Variants in PAPSS2 observed in about 807,000 individuals in gnomAD.
The protein encoded by PAPSS2 is bifunctional 3'-phosphoadenosine 5'-phosphosulfate synthase 2.
In PAPSS2, 61 loss-of-function variants were observed where a neutral mutation model predicts 66.5. The ratio of observed to expected loss-of-function variants is 0.92; its 90% confidence interval spans 0.75 to 1.14. The LOEUF (loss-of-function observed/expected upper bound fraction) is 1.14, where lower values mean the gene tolerates loss of function less well. PAPSS2 is among the 50% of genes most tolerant of loss of function. PAPSS2 has a pLI of 0.00. For missense variants in PAPSS2, 708 were observed against 789.6 expected (o/e 0.90, Z 1.24); for synonymous variants, 289 against 287.5 (o/e 1.01, Z -0.05).
At chr10:87,664,835 A>G (rs563378161) in intron 1 of PAPSS2, among the ~76,000 whole-genome samples, 1 of 152,350 alleles carries the variant, frequency 6.6e-6, no homozygotes, top group Non-Finnish European at 1.5e-5. Context: ...CACTAGTTCA[A>G]CTGTTCTATT....
At chr10:87,726,294 G>A (rs910666156) in intron 8 of PAPSS2, among the ~76,000 whole-genome samples, 51 of 152,296 alleles carry the variant, frequency 3.3e-4, no homozygotes, top group Admixed American at 2.9e-3. Flanking sequence ...GCTGGGAGTG[G>A]TGGCACATGC....
intron 1 of PAPSS2, among the ~76,000 whole-genome samples, chr10:87,701,277 C>CT (rs11442868): frequency 0.51 from 66,299 of 129,742 alleles, 20,087 homozygotes; most frequent in African/African-American, 0.74. Context: ...CTTCCTTTCT[C>CT]TTTTTTCTTT....
At chr10:87,696,034 G>A (rs953237525) in intron 1 of PAPSS2, among the ~76,000 whole-genome samples, 3 of 152,152 alleles carry the variant, frequency 2.0e-5, no homozygotes, top group Non-Finnish European at 4.4e-5. Flanking sequence ...GGGTCCAGAT[G>A]TGAAGATCTG....
intron 1 of PAPSS2, among the ~76,000 whole-genome samples, chr10:87,663,690 C>G (rs1350293210): frequency 6.6e-6 from 1 of 152,096 alleles, no homozygotes; most frequent in South Asian, 2.1e-4. Context: ...ACTGCTCTGG[C>G]CCAAAGTTTT....
intron 8 of PAPSS2, among the ~76,000 whole-genome samples, chr10:87,724,092 G>A (rs1456843087): frequency 1.3e-5 from 2 of 152,184 alleles, no homozygotes; most frequent in African/African-American, 2.4e-5. Context: ...GCCTATTTGT[G>A]AGGGCATCAT....
chr10:87,717,352 C>T (rs7896505), intron 7 of PAPSS2, among the ~76,000 whole-genome samples: 76,245 of 151,910 alleles, frequency 0.5, 20,061 homozygotes, highest in East Asian at 0.71. Flanking sequence ...ACAAGTGTTC[C>T]TCTCATAAAG....
Position 87,714,760 on chromosome 10 carries a change from A to G in PAPSS2, c.536A>G (p.Asp179Gly). The G allele has an allele frequency of 6.2e-7, 1 of 1,602,084 alleles. No homozygotes were observed. Among genetic ancestry groups the G allele is most frequent in the Non-Finnish European group, 8.6e-7 (1 of 1,169,130 alleles). Residue 179 changes from aspartate (D) to glycine (G), a missense_variant, in exon 5 of 13, where the codon GAT becomes GGT. By Grantham distance (94) the Asp-to-Gly change is moderately conservative (BLOSUM62 -1). Transcript: ENST00000456849. The part of the protein sequence containing the change: ...AGEIKGFTGI[D>G]SDYEKPETPE... ...TGCTTTGCAGGATTTACAGGTATTG[A>G]TTCTGATTATGAGAAACCTGAAACT...
At chr10:87,724,780 TAAC>T (rs968192704) in intron 8 of PAPSS2, among the ~76,000 whole-genome samples, 146 of 149,608 alleles carry the variant, frequency 9.8e-4, no homozygotes, top group African/African-American at 3.5e-3. Context: ...TCTGAATAGA[TAAC>T]AATATATCTG....
chr10:87,679,354 C>T (rs555173399), intron 1 of PAPSS2, among the ~76,000 whole-genome samples: 37 of 152,116 alleles, frequency 2.4e-4, no homozygotes, highest in Non-Finnish European at 4.0e-4. Flanking sequence ...ATAATAAGTT[C>T]TATCGTTCTA....
intron 8 of PAPSS2, among the ~76,000 whole-genome samples, chr10:87,725,280 TG>T (rs1179644918): frequency 6.6e-6 from 1 of 152,228 alleles, no homozygotes; most frequent in Non-Finnish European, 1.5e-5. Context: ...TCTTCCTTTG[TG>T]GTCCAGCTGT....
chr10:87,715,683 TG>T, intron 6 of PAPSS2, 48 bp from the exon 7 acceptor site: 1 of 1,248,426 alleles, frequency 8.0e-7, no homozygotes, highest in Non-Finnish European at 1.2e-6. Context: ...GCCAGATGCC[TG>T]GAAAACAGAA....
chr10:87,713,101 A>G lies in PAPSS2; in HGVS notation c.172A>G (p.Ile58Val). Reference protein sequence around the residue: ...TGLSGAGKTTISFALEEYLVS... With the variant: ...TGLSGAGKTTVSFALEEYLVS... ...TCTCTCTGGTGCTGGAAAAACAACG[A>G]TAAGTTTTGCCCTGGAGGAGTACCT... The change falls in exon 3 of 13, where the codon ATA (isoleucine) becomes GTA (valine). Residue 58 changes from isoleucine (I) to valine (V), a missense_variant. Ile to Val is a conservative substitution (Grantham distance 29). Coordinates refer to ENST00000456849, the MANE Select transcript of PAPSS2 (RefSeq NM_001015880.2). The G allele has an allele frequency of 1.9e-6, 3 of 1,612,554 alleles. No individual in the cohort carries two copies. The highest frequency in any genetic ancestry group is 1.7e-5 in the Admixed American group (1 of 59,930).
chr10:87,735,295 C>T (rs1853783170), intron 9 of PAPSS2, among the ~76,000 whole-genome samples: 1 of 152,142 alleles, frequency 6.6e-6, no homozygotes, highest in Non-Finnish European at 1.5e-5. Flanking sequence ...CTTGTCCCTC[C>T]CCATCCCAGA....
chr10:87,677,177 GA>G (rs1410016076), intron 1 of PAPSS2, among the ~76,000 whole-genome samples: 4 of 152,128 alleles, frequency 2.6e-5, no homozygotes, highest in African/African-American at 7.2e-5. Flanking sequence ...CTGGGCAACA[GA>G]GCGAGACTCC....
chr10:87,725,882 T>TACACACACACAC (rs1324153679), intron 8 of PAPSS2, among the ~76,000 whole-genome samples: 3 of 58,442 alleles, frequency 5.1e-5, no homozygotes, highest in East Asian at 1.1e-3. Flanking sequence ...AATATGTGTG[T>TACACACACACAC]ATACACACAC....
intron 1 of PAPSS2, among the ~76,000 whole-genome samples, chr10:87,687,261 A>G (rs974049632): frequency 2.0e-5 from 3 of 152,206 alleles, no homozygotes; most frequent in African/African-American, 7.2e-5. Flanking sequence ...TTTTGAAAAA[A>G]TTAATCAAAA....
At chr10:87,701,308 C>CTTCT (rs1380206496) in intron 1 of PAPSS2, among the ~76,000 whole-genome samples, 16 of 73,250 alleles carry the variant, frequency 2.2e-4, no homozygotes, top group Admixed American at 4.7e-4. Context: ...TTTTTCCTTC[C>CTTCT]TTCCTTCCTT....
At chr10:87,722,468 C>T (rs541124754) in intron 8 of PAPSS2, among the ~76,000 whole-genome samples, 3 of 152,262 alleles carry the variant, frequency 2.0e-5, no homozygotes, top group African/African-American at 4.8e-5. Context: ...TCCCAAACAA[C>T]CATGAAGCAG....
chr10:87,700,383 G>A (rs576503704), intron 1 of PAPSS2, among the ~76,000 whole-genome samples: 4 of 152,352 alleles, frequency 2.6e-5, no homozygotes, highest in South Asian at 2.1e-4. Flanking sequence ...TTGTCTGGGT[G>A]TAGTGGTTCA....
Sources: allele counts gnomAD v4.1 joint callset (sites outside exome capture counted in the v4.1 genomes callset), GRCh38; gene constraint gnomAD v4.1.1; transcripts MANE v1.5; gene names NCBI Gene and HGNC (gene_info 2026-07-23, HGNC 2026-07-21).